AFF3: variants seen among roughly 807,000 people sequenced by gnomAD.
AFF3 encodes the protein ALF transcription elongation factor 3, also known as AF4/FMR2 family member 3.
AFF3 carries 32 observed loss-of-function variants against 129.7 expected under a neutral mutation model. The observed-to-expected ratio is 0.25, with a 90% CI of 0.19 to 0.33. The LOEUF is 0.33. Ranked by LOEUF, AFF3 falls within the 10% of genes least tolerant of loss-of-function variation. The pLI, the probability that AFF3 is intolerant of heterozygous loss-of-function variation, is 1.00. For synonymous variants in AFF3, 644 were observed against 635.4 expected (o/e 1.01, Z -0.20); for missense variants, 1,373 against 1,592.0 (o/e 0.86, Z 2.34).
chr2:100,035,208 AACCTCACTTTAC>A (rs1684806981), intron 4 of AFF3, among the ~76,000 whole-genome samples: 3 of 152,244 alleles, frequency 2.0e-5, no homozygotes, highest in Admixed American at 2.0e-4. Flanking sequence ...GCCAAGACAT[AACCTCACTTTAC>A]ACCAACTCTG....
chr2:99,873,762 T>C (rs1376447231), intron 7 of AFF3, among the ~76,000 whole-genome samples: 1 of 151,612 alleles, frequency 6.6e-6, no homozygotes, highest in Non-Finnish European at 1.5e-5. Flanking sequence ...ATTTATCAGC[T>C]ATCTCCACTG....
intron 13 of AFF3, among the ~76,000 whole-genome samples, chr2:99,636,348 G>A (rs1025606672): frequency 2.0e-5 from 3 of 152,206 alleles, no homozygotes; most frequent in South Asian, 2.1e-4. Flanking sequence ...GCCCTGTCCA[G>A]TCGGCTGGAT....
At chr2:99,726,441 G>A (rs1213318570) in intron 11 of AFF3, among the ~76,000 whole-genome samples, 2 of 152,142 alleles carry the variant, frequency 1.3e-5, no homozygotes, top group Non-Finnish European at 2.9e-5. Context: ...CTAAAATAAA[G>A]TCACTTGTTA....
chr2:99,942,971 C>T (rs547649211), intron 7 of AFF3, among the ~76,000 whole-genome samples: 3 of 152,258 alleles, frequency 2.0e-5, no homozygotes, highest in Non-Finnish European at 4.4e-5. Context: ...GAAACCCCTC[C>T]TTTTCCTTCT....
intron 2 of AFF3, chr2:100,106,985 G>A: frequency 2.0e-6 from 2 of 985,438 alleles, no homozygotes; most frequent in Non-Finnish European, 1.2e-6. Flanking sequence ...TTTAAACTCT[G>A]GTGCCTTGTG....
At chr2:100,018,565 T>C (rs983934170) in intron 4 of AFF3, among the ~76,000 whole-genome samples, 1 of 152,186 alleles carries the variant, frequency 6.6e-6, no homozygotes, top group African/African-American at 2.4e-5. Flanking sequence ...CCAGGCTGTA[T>C]GACAAGCAGC....
intron 4 of AFF3, among the ~76,000 whole-genome samples, chr2:100,032,779 G>T (rs1273145691): frequency 1.3e-5 from 2 of 151,980 alleles, no homozygotes; most frequent in Non-Finnish European, 2.9e-5. Flanking sequence ...AATTCCATGT[G>T]TATATTTGCC....
At chr2:99,645,678 C>G (rs1193537045) in intron 13 of AFF3, among the ~76,000 whole-genome samples, 2 of 152,094 alleles carry the variant, frequency 1.3e-5, no homozygotes, top group Non-Finnish European at 1.5e-5. Flanking sequence ...ATTGGTCAGG[C>G]AAAACCAAGC....
At chr2:100,107,078 T>C in intron 2 of AFF3, 1 of 985,474 alleles carries the variant, frequency 1.0e-6, no homozygotes, top group Non-Finnish European at 1.2e-6. Context: ...CATGATTTTC[T>C]GTTTGGGGCC....
intron 7 of AFF3, among the ~76,000 whole-genome samples, chr2:99,996,517 C>CTAATTAGTCTCCCT (rs1680841941): frequency 6.7e-6 from 1 of 149,036 alleles, no homozygotes; most frequent in African/African-American, 2.5e-5. Flanking sequence ...CCTGCCACCA[C>CTAATTAGTCTCCCT]GCCCGGCTAA....
intron 7 of AFF3, among the ~76,000 whole-genome samples, chr2:99,969,052 C>T (rs78615468): frequency 0.013 from 1,985 of 152,294 alleles, 54 homozygotes; most frequent in African/African-American, 0.045. Context: ...CTGCCCCACA[C>T]TCCTGCTGTC....
intron 12 of AFF3, among the ~76,000 whole-genome samples, chr2:99,653,235 G>A (rs2105661811): frequency 6.6e-6 from 1 of 152,314 alleles, no homozygotes; most frequent in African/African-American, 2.4e-5. Flanking sequence ...AAAGAAAGGT[G>A]GAATGTATTA....
intron 22 of AFF3, 95 bp downstream of exon 22, chr2:99,558,780 A>T: frequency 8.0e-7 from 1 of 1,244,312 alleles, no homozygotes; most frequent in Non-Finnish European, 1.1e-6. Flanking sequence ...GACCTGCATT[A>T]ACCCCAAAGC....
intron 7 of AFF3, among the ~76,000 whole-genome samples, chr2:99,906,183 A>C (rs1399300482): frequency 1.3e-5 from 2 of 152,202 alleles, no homozygotes; most frequent in Non-Finnish European, 2.9e-5. Flanking sequence ...CCAAACCATA[A>C]CTACCTTTGA....
intron 2 of AFF3, among the ~76,000 whole-genome samples, chr2:100,125,831 G>C (rs568375249): frequency 2.0e-5 from 3 of 152,170 alleles, no homozygotes; most frequent in African/African-American, 4.8e-5. Flanking sequence ...AGCACAGCAG[G>C]GGGTGGGTGA....
intron 13 of AFF3, among the ~76,000 whole-genome samples, chr2:99,620,757 T>C (rs62154490): frequency 0.088 from 13,364 of 152,238 alleles, 696 homozygotes; most frequent in East Asian, 0.12. Context: ...GGGGGAGGAT[T>C]GCTCATGAAT....
intron 13 of AFF3, among the ~76,000 whole-genome samples, chr2:99,638,707 G>T (rs1270478087): frequency 6.6e-6 from 1 of 152,182 alleles, no homozygotes; most frequent in African/African-American, 2.4e-5. Flanking sequence ...GAGAAAGGGG[G>T]CATCTGGAAG....
chr2:99,766,794 T>C (rs917240896), intron 8 of AFF3, among the ~76,000 whole-genome samples: 1 of 151,848 alleles, frequency 6.6e-6, no homozygotes. Context: ...AGCAAACAAA[T>C]AAAGATAAAA....
Position 99,772,711 on chromosome 2 carries a change from A to G in AFF3, c.922-20410T>C, listed in dbSNP as rs913472917. Among the ~76,000 whole-genome samples the G allele has an allele frequency of 4.0e-4, 61 of 152,262 alleles. No homozygotes were observed. The Middle Eastern group carries it at 0.01, about 26-fold the overall frequency. Reference sequence around the variant, plus strand: ...TAAACAACCATGACTTAATTCTCAAATTGCTTCCCAACCCTGGGAAGTTAA... The same window carrying G: ...TAAACAACCATGACTTAATTCTCAAGTTGCTTCCCAACCCTGGGAAGTTAA... On this transcript the variant is annotated intron_variant, in intron 8 of 24. Coordinates refer to ENST00000672756, the MANE Select transcript of AFF3 (RefSeq NM_001386135.1).
Sources: gnomAD v4.1 joint callset for allele counts (sites outside exome capture counted in the v4.1 genomes callset) on GRCh38, gnomAD v4.1.1 for gene constraint, MANE v1.5 for transcripts, NCBI Gene and HGNC (gene_info 2026-07-23, HGNC 2026-07-21) for gene names.